Variants in SWT1 observed in about 807,000 individuals in gnomAD.
SWT1 encodes transcriptional protein SWT1.
Under a neutral mutation model 107.3 loss-of-function variants are expected in SWT1, and 33 were observed. That is an observed-to-expected ratio of 0.31 (90% CI 0.23 to 0.41). SWT1 has a LOEUF of 0.41. Among genes scored for constraint, SWT1 ranks in the 10% least tolerant of loss-of-function variants. The pLI, the probability that SWT1 is intolerant of heterozygous loss-of-function variation, is 1.00. For synonymous variants in SWT1, 345 were observed against 348.3 expected (o/e 0.99, Z 0.11); for missense variants, 898 against 1,028.9 (o/e 0.87, Z 1.74).
intron 9 of SWT1, among the ~76,000 whole-genome samples, chr1:185,189,380 G>A (rs952307999): frequency 5.3e-5 from 8 of 152,116 alleles, no homozygotes; most frequent in African/African-American, 1.9e-4. Flanking sequence ...CATTTGTTAG[G>A]AATTACTTCT....
chr1:185,189,825 T>A (rs925830696), intron 9 of SWT1, among the ~76,000 whole-genome samples: 1 of 150,142 alleles, frequency 6.7e-6, no homozygotes, highest in Non-Finnish European at 1.5e-5. Context: ...CATATATTTC[T>A]TATATATGTA....
At chr1:185,255,126 T>G (rs1662379251) in intron 16 of SWT1, among the ~76,000 whole-genome samples, 1 of 152,242 alleles carries the variant, frequency 6.6e-6, no homozygotes, top group Non-Finnish European at 1.5e-5. Context: ...CTAGTTTGAT[T>G]GCACTGTGGT....
At chr1:185,244,164 C>T (rs1050886713) in intron 16 of SWT1, among the ~76,000 whole-genome samples, 1 of 152,064 alleles carries the variant, frequency 6.6e-6, no homozygotes, top group Non-Finnish European at 1.5e-5. Context: ...TCTTGAACCC[C>T]TATTCTCAAG....
chr1:185,264,538 GT>G, intron 16 of SWT1: 1 of 763,272 alleles, frequency 1.3e-6, no homozygotes, highest in Non-Finnish European at 1.6e-6. Flanking sequence ...TTCCAAGTAT[GT>G]TACCTATGTT....
At chr1:185,168,259 T>C in intron 3 of SWT1, 81 bp from the exon 4 acceptor site, 1 of 795,918 alleles carries the variant, frequency 1.3e-6, no homozygotes, top group Non-Finnish European at 1.8e-6. Context: ...AAGTATTGTG[T>C]CAGCCTATTC....
At chr1:185,271,770 T>G (rs1483006479) in intron 17 of SWT1, among the ~76,000 whole-genome samples, 1 of 152,230 alleles carries the variant, frequency 6.6e-6, no homozygotes, top group Admixed American at 6.5e-5. Context: ...TATTGTATGA[T>G]CTCTAGGCTT....
intron 16 of SWT1, among the ~76,000 whole-genome samples, chr1:185,243,916 G>C (rs1359400818): frequency 6.6e-6 from 1 of 152,082 alleles, no homozygotes; most frequent in East Asian, 1.9e-4. Flanking sequence ...ACTTTACGCA[G>C]ATTTTATTTA....
chr1:185,222,439 C>G (rs970735902), intron 15 of SWT1, among the ~76,000 whole-genome samples: 20 of 151,966 alleles, frequency 1.3e-4, no homozygotes, highest in African/African-American at 4.8e-4. Context: ...TCAGCTCATG[C>G]ATTTATCATG....
At chr1:185,250,000 G>A (rs1362547265) in intron 16 of SWT1, among the ~76,000 whole-genome samples, 1 of 152,116 alleles carries the variant, frequency 6.6e-6, no homozygotes, top group East Asian at 1.9e-4. Flanking sequence ...AAAGCTGTTT[G>A]TTTTCTATGA....
chr1:185,188,733 C>T (rs1656701968), intron 9 of SWT1, among the ~76,000 whole-genome samples: 1 of 152,124 alleles, frequency 6.6e-6, no homozygotes. Flanking sequence ...TGATTATAAA[C>T]TGGGAATAAG....
At chr1:185,175,322 G>A (rs1233460338) in intron 5 of SWT1, among the ~76,000 whole-genome samples, 1 of 151,944 alleles carries the variant, frequency 6.6e-6, no homozygotes, top group Non-Finnish European at 1.5e-5. Context: ...GACCTCCTGG[G>A]TTCAAGCAAT....
intron 10 of SWT1, among the ~76,000 whole-genome samples, 197 bp from the exon 11 acceptor site, chr1:185,202,455 TTA>T (rs200527836): frequency 6.6e-6 from 1 of 150,484 alleles, no homozygotes; most frequent in Non-Finnish European, 1.5e-5. Context: ...TTAAATAGAT[TTA>T]TATATATATA....
intron 16 of SWT1, among the ~76,000 whole-genome samples, chr1:185,239,324 C>T (rs150913900): frequency 8.9e-4 from 136 of 152,086 alleles, no homozygotes; most frequent in Middle Eastern, 3.4e-3. Context: ...TGTTTACATG[C>T]GCTAATCTTG....
At chr1:185,204,102 G>A (rs535506725) in intron 11 of SWT1, among the ~76,000 whole-genome samples, 1 of 152,128 alleles carries the variant, frequency 6.6e-6, no homozygotes, top group African/African-American at 2.4e-5. Flanking sequence ...AGGGCATGAA[G>A]ATAGTTAAGC....
intron 4 of SWT1, among the ~76,000 whole-genome samples, chr1:185,168,914 A>C (rs1307858710): frequency 6.6e-6 from 1 of 152,164 alleles, no homozygotes; most frequent in African/African-American, 2.4e-5. Flanking sequence ...ATTTCAGTGA[A>C]ATTTTGGTGC....
At chr1:185,190,671 T>A in intron 10 of SWT1, 29 bp downstream of exon 10, 2 of 1,352,894 alleles carry the variant, frequency 1.5e-6, no homozygotes, top group Non-Finnish European at 2.1e-6. Flanking sequence ...TGACTTTTTA[T>A]TTTTAAAAAA....
At chr1:185,276,278 C>A (rs1664234296) in intron 17 of SWT1, among the ~76,000 whole-genome samples, 1 of 152,092 alleles carries the variant, frequency 6.6e-6, no homozygotes, top group South Asian at 2.1e-4. Flanking sequence ...GTCTGTAAAT[C>A]AAACTTTTTC....
In SWT1 at chr1:185,227,244, C is replaced by A; in HGVS notation, c.2310-4333C>A. On this transcript the variant is annotated intron_variant, in intron 15 of 18. Coordinates refer to ENST00000367500, the MANE Select transcript of SWT1 (RefSeq NM_017673.7). ...AAAAACTTTATTGCCAGTGGTAATT[C>A]TGGCAAGACCTGCATCCAAATAGCA... is the stretch of plus-strand genomic sequence containing the variant. 1.3e-5 allele frequency: 10 copies of A among 770,094 alleles called. No homozygotes were observed. The South Asian group carries it at 1.3e-4, about 10-fold the overall frequency. 47.7% of individuals were successfully genotyped at this position (770,094 alleles called of 1,614,324 possible).
At chr1:185,259,444 G>A (rs942699468) in intron 16 of SWT1, among the ~76,000 whole-genome samples, 2 of 152,058 alleles carry the variant, frequency 1.3e-5, no homozygotes, top group African/African-American at 4.8e-5. Flanking sequence ...AGATTTGCAA[G>A]TTTAGGAATT....
Sources: allele counts gnomAD v4.1 joint callset (sites outside exome capture counted in the v4.1 genomes callset), GRCh38; gene constraint gnomAD v4.1.1; transcripts MANE v1.5; gene names NCBI Gene and HGNC (gene_info 2026-07-23, HGNC 2026-07-21).